MYOT: variants seen among roughly 807,000 people sequenced by gnomAD.
MYOT encodes the protein myotilin, also known as 57 kDa cytoskeletal protein.
MYOT carries 36 observed loss-of-function variants against 58.0 expected under a neutral mutation model. That is an observed-to-expected ratio of 0.62 (90% CI 0.48 to 0.82). The LOEUF (loss-of-function observed/expected upper bound fraction) is 0.82. Ranked by LOEUF, MYOT falls within the 40% of genes least tolerant of loss-of-function variation. The pLI is 0.00. For missense variants in MYOT, 505 were observed against 592.1 expected (o/e 0.85, Z 1.53); for synonymous variants, 218 against 204.6 (o/e 1.07, Z -0.56).
intron 1 of MYOT, among the ~76,000 whole-genome samples, chr5:137,868,244 C>A (rs141846884): frequency 1.3e-5 from 2 of 152,100 alleles, no homozygotes; most frequent in Non-Finnish European, 2.9e-5. Flanking sequence ...GTCTTATGAA[C>A]GCAACATATC....
In MYOT at chr5:137,886,145, T is replaced by TA; in HGVS notation, c.1123dup (p.Ile375AsnfsTer12). 1 of 1,612,582 alleles carries TA rather than the reference T, an allele frequency of 6.2e-7. No homozygotes were observed. Among genetic ancestry groups the TA allele is most frequent in the Non-Finnish European group, 8.5e-7 (1 of 1,178,858 alleles). On this transcript the variant is annotated frameshift_variant, in exon 8 of 10. Coordinates refer to ENST00000239926, the MANE Select transcript of MYOT (RefSeq NM_006790.3). LOFTEE classifies it high-confidence loss of function. The stretch of plus-strand genomic sequence containing the variant: ...TGAAACTAGAATGCCAGATCTCGGC[T>TA]ATACCTCCACCAAAGCTTTTCTGGA...
At chr5:137,877,951 C>T (rs1755286354) in intron 4 of MYOT, among the ~76,000 whole-genome samples, 1 of 152,088 alleles carries the variant, frequency 6.6e-6, no homozygotes, top group Admixed American at 6.5e-5. Context: ...GGTTGTGAAC[C>T]TCCAATAGGA....
intron 8 of MYOT, chr5:137,886,561 G>C (rs994120334): frequency 6.1e-6 from 2 of 327,868 alleles, no homozygotes; most frequent in Non-Finnish European, 1.1e-5. Context: ...CAAAGGAGGA[G>C]GTAGGAGACA....
chr5:137,886,525 T>A (rs930176004), intron 8 of MYOT, among the ~76,000 whole-genome samples: 2 of 152,166 alleles, frequency 1.3e-5, no homozygotes, highest in Non-Finnish European at 2.9e-5. Context: ...TTTCTTTCTT[T>A]ACAAAAAGCT....
At chr5:137,885,503 G>T (rs1446202174) in intron 7 of MYOT, among the ~76,000 whole-genome samples, 1 of 151,960 alleles carries the variant, frequency 6.6e-6, no homozygotes, top group Non-Finnish European at 1.5e-5. Flanking sequence ...CAGGCACGGT[G>T]GCTCATGACT....
chr5:137,871,562 T>C (rs575932404), intron 2 of MYOT, among the ~76,000 whole-genome samples: 1 of 152,324 alleles, frequency 6.6e-6, no homozygotes, highest in East Asian at 1.9e-4. Flanking sequence ...CCCTGGAATG[T>C]ATACATTTTC....
intron 2 of MYOT, among the ~76,000 whole-genome samples, chr5:137,875,162 A>G (rs144658376): frequency 1.3e-5 from 2 of 152,352 alleles, no homozygotes; most frequent in East Asian, 1.9e-4. Flanking sequence ...CATCGTAGCT[A>G]TAACAAAGAA....
Position 137,886,352 on chromosome 5 carries a change from A to G in MYOT, c.1190+139A>G, listed in dbSNP as rs1235516750. On this transcript the variant is annotated intron_variant, in intron 8 of 9. Transcript: ENST00000239926. ...ACTAAAGAATAATATAATAAAATAT[A>G]TATTAGATAAAAATGTAAGAAAACT... 7.3e-6 allele frequency: 3 copies of G among 411,782 alleles called. No individual in the cohort carries two copies. The East Asian group carries it at 1.4e-4, about 20-fold the overall frequency. The allele number at this position is 411,782 out of a possible 1,614,324, so 25.5% of individuals were successfully genotyped here.
intron 8 of MYOT, chr5:137,886,605 C>G: frequency 1.9e-6 from 1 of 515,624 alleles, no homozygotes; most frequent in East Asian, 4.2e-5. Context: ...CTCCATTCCC[C>G]TATACATACG....
intron 4 of MYOT, among the ~76,000 whole-genome samples, chr5:137,879,218 G>A (rs1341626142): frequency 6.6e-6 from 1 of 152,080 alleles, no homozygotes; most frequent in Non-Finnish European, 1.5e-5. Context: ...TTACAGGCAT[G>A]AGCCACCACA....
intron 2 of MYOT, among the ~76,000 whole-genome samples, chr5:137,872,312 G>C (rs1755076163): frequency 6.6e-6 from 1 of 152,016 alleles, no homozygotes; most frequent in African/African-American, 2.4e-5. Context: ...TATTTACCCA[G>C]ATGATCATTT....
At chr5:137,876,050 A>G (rs1755203431) in intron 3 of MYOT, 47 bp downstream of exon 3, 1 of 1,588,306 alleles carries the variant, frequency 6.3e-7, no homozygotes. Flanking sequence ...AAACTATAAA[A>G]TCTAATTTTA....
chr5:137,869,378 A>G (rs1754969395), intron 1 of MYOT, among the ~76,000 whole-genome samples: 1 of 152,228 alleles, frequency 6.6e-6, no homozygotes. Flanking sequence ...AGTCCCGCTT[A>G]GGTTTACCAT....
intron 7 of MYOT, among the ~76,000 whole-genome samples, chr5:137,885,543 G>A (rs1755568112): frequency 6.6e-6 from 1 of 151,866 alleles, no homozygotes; most frequent in African/African-American, 2.4e-5. Context: ...AGGCTGAGGT[G>A]GGCAGATCAC....
chr5:137,881,894 T>C, intron 5 of MYOT, 79 bp from the exon 6 acceptor site: 2 of 1,539,474 alleles, frequency 1.3e-6, no homozygotes, highest in Non-Finnish European at 1.8e-6. Flanking sequence ...AAAAAAAAAT[T>C]GATGGCTAAA....
chr5:137,870,335 G>C (rs943813384), intron 1 of MYOT, 106 bp from the exon 2 acceptor site: 12 of 375,692 alleles, frequency 3.2e-5, no homozygotes, highest in Non-Finnish European at 5.0e-5. Context: ...ACAAAAGGAA[G>C]GAAGGAAAGA....
At chr5:137,882,197 G>A in intron 6 of MYOT, 92 bp downstream of exon 6, 1 of 1,403,598 alleles carries the variant, frequency 7.1e-7, no homozygotes, top group Non-Finnish European at 1.0e-6. Context: ...AGCTTGCAAA[G>A]CAGTACGTAC....
At chr5:137,876,320 G>A (rs1235328898) in intron 3 of MYOT, 1 of 357,520 alleles carries the variant, frequency 2.8e-6, no homozygotes, top group Admixed American at 4.5e-5. Flanking sequence ...TCAACTTAGT[G>A]TACTTTGATG....
intron 7 of MYOT, among the ~76,000 whole-genome samples, chr5:137,885,771 CAAAAAA>C (rs71583286): frequency 1.6e-4 from 5 of 30,976 alleles, no homozygotes; most frequent in East Asian, 1.6e-3. Context: ...GACTCTGTCT[CAAAAAA>C]AAAAAAAAAA....
Sources: gnomAD v4.1 joint callset for allele counts (sites outside exome capture counted in the v4.1 genomes callset) on GRCh38, gnomAD v4.1.1 for gene constraint, MANE v1.5 for transcripts, NCBI Gene and HGNC (gene_info 2026-07-23, HGNC 2026-07-21) for gene names.